Variants in CYSLTR1 observed in about 807,000 individuals in gnomAD.
CYSLTR1 encodes cysteinyl leukotriene receptor 1, also known as G-protein coupled receptor HG55.
In CYSLTR1, 1 loss-of-function variant was observed where a neutral mutation model predicts 2.1. The ratio of observed to expected loss-of-function variants is 0.48; its 90% CI spans 0.17 to 2.28. The LOEUF (loss-of-function observed/expected upper bound fraction) is 2.28. Among genes scored for constraint, CYSLTR1 ranks in the 30% most tolerant of loss-of-function variants. The pLI, the probability that CYSLTR1 is intolerant of heterozygous loss-of-function variation, is 0.26. For missense variants in CYSLTR1, 299 were observed against 250.1 expected (o/e 1.20, Z -1.32); for synonymous variants, 110 against 89.6 (o/e 1.23, Z -1.28).
chrX:78,290,960 C>T (rs751268624), intron 1 of CYSLTR1, among the ~76,000 whole-genome samples: 1 of 111,745 alleles, frequency 8.9e-6, no homozygotes, highest in Non-Finnish European at 1.9e-5. Context: ...CTTTCTCTTG[C>T]CTGATTGCCC....
intron 1 of CYSLTR1, among the ~76,000 whole-genome samples, chrX:78,293,736 C>T (rs1391511182): frequency 9.0e-6 from 1 of 111,680 alleles, no homozygotes; most frequent in Non-Finnish European, 1.9e-5. Context: ...ATTTGATCTT[C>T]AATCACTGAC....
chrX:78,280,532 G>T lies in CYSLTR1; in HGVS notation c.-28+2922C>A, dbSNP rs762126387. Among the ~76,000 whole-genome samples, 17 of 106,473 alleles carry T rather than the reference G, an allele frequency of 1.6e-4. No homozygotes were observed. The South Asian group carries it at 4.0e-3, about 25-fold the overall frequency. The allele number at this position is 106,473 out of a possible 115,157, so 92.5% of individuals were successfully genotyped here. On this transcript the variant is annotated intron_variant, in intron 2 of 2. Transcript: ENST00000373304. ...ATTTGTGTGTGTGTGTGTTGGGGGGGGGGTAAGAATGCTTAAGATCTACTT... is the reference window on the plus strand; with the variant it reads ...ATTTGTGTGTGTGTGTGTTGGGGGGTGGGTAAGAATGCTTAAGATCTACTT...
At chrX:78,284,573 G>A (rs1324836224) in intron 1 of CYSLTR1, among the ~76,000 whole-genome samples, 1 of 108,813 alleles carries the variant, frequency 9.2e-6, no homozygotes, top group Non-Finnish European at 1.9e-5. Flanking sequence ...GCTAATTTTT[G>A]TATTTTTAGT....
chrX:78,284,034 G>A (rs1921949903), intron 1 of CYSLTR1, among the ~76,000 whole-genome samples: 1 of 111,848 alleles, frequency 8.9e-6, no homozygotes, highest in South Asian at 3.7e-4. Context: ...AAAGAACCTT[G>A]CACTCTTCTC....
At chrX:78,305,095 T>C (rs752576660) in intron 1 of CYSLTR1, among the ~76,000 whole-genome samples, 126 of 111,719 alleles carry the variant, frequency 1.1e-3, no homozygotes, top group South Asian at 1.9e-3. Flanking sequence ...AGCTGATGCC[T>C]GAAATCTACT....
At chrX:78,293,304 C>T (rs755612483) in intron 1 of CYSLTR1, among the ~76,000 whole-genome samples, 2 of 111,316 alleles carry the variant, frequency 1.8e-5, no homozygotes, top group South Asian at 7.7e-4. Flanking sequence ...TGAATATTGG[C>T]CCCCACTCTC....
chrX:78,288,996 G>A (rs1922195229), intron 1 of CYSLTR1, among the ~76,000 whole-genome samples: 3 of 109,891 alleles, frequency 2.7e-5, no homozygotes, highest in Admixed American at 1.9e-4. Flanking sequence ...TAAGTACTAG[G>A]GTACATGTGC....
intron 1 of CYSLTR1, among the ~76,000 whole-genome samples, chrX:78,325,975 C>T (rs1056618924): frequency 8.9e-5 from 10 of 111,744 alleles, no homozygotes; most frequent in African/African-American, 3.3e-4. Context: ...TAGGAATACA[C>T]TAACATGCTA....
At chrX:78,312,408 A>T (rs2147271647) in intron 1 of CYSLTR1, among the ~76,000 whole-genome samples, 1 of 112,146 alleles carries the variant, frequency 8.9e-6, no homozygotes, top group Admixed American at 9.5e-5. Flanking sequence ...CTCAAGATTG[A>T]TTTTGGCAAA....
chrX:78,311,451 A>C (rs953803095), intron 1 of CYSLTR1, among the ~76,000 whole-genome samples: 1 of 111,811 alleles, frequency 8.9e-6, no homozygotes, highest in Non-Finnish European at 1.9e-5. Context: ...ACAATGGAGT[A>C]AGGAAGTTAA....
chrX:78,312,715 A>G, intron 1 of CYSLTR1, among the ~76,000 whole-genome samples: 1 of 112,366 alleles, frequency 8.9e-6, no homozygotes, highest in African/African-American at 3.2e-5. Flanking sequence ...CATAAAAAAT[A>G]CTCAACATCA....
At chrX:78,275,587 G>T (rs1328660930) in intron 2 of CYSLTR1, among the ~76,000 whole-genome samples, 1 of 94,217 alleles carries the variant, frequency 1.1e-5, no homozygotes, top group Non-Finnish European at 2.1e-5. Context: ...GTCATGGGGT[G>T]AGGGGAGGGG....
At chrX:78,290,957 T>C (rs1003304685) in intron 1 of CYSLTR1, among the ~76,000 whole-genome samples, 1 of 111,789 alleles carries the variant, frequency 8.9e-6, no homozygotes, top group African/African-American at 3.3e-5. Flanking sequence ...TTTCTTTCTC[T>C]TGCCTGATTG....
intron 1 of CYSLTR1, among the ~76,000 whole-genome samples, chrX:78,309,248 CCACATTGATCACACCTT>C (rs1262449431): frequency 1.8e-5 from 2 of 111,346 alleles, no homozygotes; most frequent in African/African-American, 6.5e-5. Flanking sequence ...TGATTGAACA[CCACATTGATCACACCTT>C]CTCCCTTTTT....
intron 1 of CYSLTR1, among the ~76,000 whole-genome samples, chrX:78,290,887 T>G (rs1041255585): frequency 8.9e-6 from 1 of 111,979 alleles, no homozygotes; most frequent in African/African-American, 3.2e-5. Flanking sequence ...AAATATACAA[T>G]CATGTCATCT....
Position 78,294,024 on chromosome X carries a change from C to G in CYSLTR1, c.-114-10484G>C, listed in dbSNP as rs193298572. ...TTCTCTGTCCAACTTTGTTCCATTG[C>G]TGGTGAGGAGCTGCGTTCCTTTGGA... On this transcript the variant is annotated intron_variant, in intron 1 of 2. Coordinates refer to ENST00000373304, the MANE Select transcript of CYSLTR1 (RefSeq NM_006639.4). Among the ~76,000 whole-genome samples, 1,043 of 112,369 alleles carry G rather than the reference C, an allele frequency of 9.3e-3. 12 individuals carry two copies. The highest frequency in any genetic ancestry group is 0.031 in the African/African-American group (972 of 30,963).
chrX:78,303,924 G>C (rs1922927685), intron 1 of CYSLTR1, among the ~76,000 whole-genome samples: 1 of 111,498 alleles, frequency 9.0e-6, no homozygotes, highest in African/African-American at 3.3e-5. Context: ...ATAAATCTGT[G>C]AATCAGGGTA....
At chrX:78,302,915 C>T (rs1236374913) in intron 1 of CYSLTR1, among the ~76,000 whole-genome samples, 1 of 111,387 alleles carries the variant, frequency 9.0e-6, no homozygotes, top group African/African-American at 3.3e-5. Flanking sequence ...CTCTTAGCCA[C>T]CCCAGCTGTT....
chrX:78,323,606 A>G (rs1222769075), intron 1 of CYSLTR1, among the ~76,000 whole-genome samples: 2 of 112,244 alleles, frequency 1.8e-5, no homozygotes, highest in African/African-American at 6.5e-5. Context: ...AGAAACAAAC[A>G]CTGTTAATCT....
Sources: allele counts gnomAD v4.1 joint callset (sites outside exome capture counted in the v4.1 genomes callset), GRCh38; gene constraint gnomAD v4.1.1; transcripts MANE v1.5; gene names NCBI Gene and HGNC (gene_info 2026-07-23, HGNC 2026-07-21).